Variants in RYR2 observed in about 807,000 individuals in gnomAD.
The protein encoded by RYR2 is ryanodine receptor 2.
A neutral mutation model predicts 601.1 loss-of-function variants in RYR2; 227 were observed. The ratio of observed to expected loss-of-function variants is 0.38; its 90% CI spans 0.34 to 0.42. The LOEUF (loss-of-function observed/expected upper bound fraction) is 0.42. Among genes scored for constraint, RYR2 ranks in the 10% least tolerant of loss-of-function variants. RYR2 has a pLI of 1.00. For missense variants in RYR2, 4,646 were observed against 6,156.5 expected (o/e 0.75, Z 8.21); for synonymous variants, 2,223 against 2,175.1 (o/e 1.02, Z -0.61).
At chr1:237,549,131 A>G (rs1019790423) in intron 26 of RYR2, among the ~76,000 whole-genome samples, 2 of 152,246 alleles carry the variant, frequency 1.3e-5, no homozygotes, top group Non-Finnish European at 2.9e-5. Context: ...ACAGCCTCGC[A>G]TCAGTTCAGG....
intron 5 of RYR2, among the ~76,000 whole-genome samples, chr1:237,365,672 G>C (rs149977841): frequency 1.3e-5 from 2 of 152,118 alleles, no homozygotes; most frequent in African/African-American, 4.8e-5. Flanking sequence ...TATGATTTGG[G>C]GTTTGAGAAA....
chr1:237,541,433 CTT>C (rs1183819635), intron 25 of RYR2, among the ~76,000 whole-genome samples: 2 of 152,218 alleles, frequency 1.3e-5, no homozygotes, highest in Non-Finnish European at 2.9e-5. Context: ...CCCTCAACGT[CTT>C]TAAAATTGTG....
intron 8 of RYR2, among the ~76,000 whole-genome samples, chr1:237,378,207 C>T (rs1701189241): frequency 6.6e-6 from 1 of 152,066 alleles, no homozygotes; most frequent in Non-Finnish European, 1.5e-5. Flanking sequence ...AAGACTTGAC[C>T]CCCATTATTT....
At chr1:237,825,791 A>C (rs1663021939) in intron 101 of RYR2, among the ~76,000 whole-genome samples, 1 of 152,248 alleles carries the variant, frequency 6.6e-6, no homozygotes, top group Non-Finnish European at 1.5e-5. Flanking sequence ...TAATATCCAG[A>C]ATCTACAAAG....
At chr1:237,738,481 C>G (rs1199114864) in intron 79 of RYR2, among the ~76,000 whole-genome samples, 2 of 152,118 alleles carry the variant, frequency 1.3e-5, no homozygotes, top group Non-Finnish European at 2.9e-5. Context: ...CATTCTAAAC[C>G]TTGTGCTCAA....
intron 76 of RYR2, among the ~76,000 whole-genome samples, chr1:237,729,778 C>T (rs573378217): frequency 4.9e-4 from 75 of 152,176 alleles, no homozygotes; most frequent in Non-Finnish European, 9.1e-4. Flanking sequence ...CACTTAATAC[C>T]TTTTGTTTTG....
At chr1:237,618,875 A>C (rs549829577) in intron 38 of RYR2, among the ~76,000 whole-genome samples, 15 of 152,180 alleles carry the variant, frequency 9.9e-5, no homozygotes, top group Non-Finnish European at 1.8e-4. Flanking sequence ...GAGAAGTAGC[A>C]AGACACTCTT....
intron 1 of RYR2, among the ~76,000 whole-genome samples, chr1:237,211,391 CATG>C (rs1380743852): frequency 9.9e-5 from 15 of 152,166 alleles, no homozygotes; most frequent in African/African-American, 3.4e-4. Flanking sequence ...TCTTTGTTAG[CATG>C]ATAATTTTGC....
chr1:237,388,062 C>T, intron 9 of RYR2, 25 bp from the exon 10 acceptor site: 4 of 1,601,702 alleles, frequency 2.5e-6, no homozygotes, highest in Middle Eastern at 1.7e-4. Context: ...ACAGTCCAGA[C>T]CTGAATGATT....
At chr1:237,456,821 A>G (rs1200465903) in intron 16 of RYR2, 86 bp downstream of exon 16, 1 of 1,412,628 alleles carries the variant, frequency 7.1e-7, no homozygotes, top group Non-Finnish European at 9.5e-7. Context: ...TCATGCCTGT[A>G]ATTCCAGCAA....
chr1:237,534,785 T>C (rs1473441331), intron 25 of RYR2, among the ~76,000 whole-genome samples: 1 of 152,048 alleles, frequency 6.6e-6, no homozygotes, highest in Non-Finnish European at 1.5e-5. Context: ...AAATGGATGA[T>C]TCAAAACCAG....
chr1:237,411,520 A>C (rs1704449098), intron 10 of RYR2, among the ~76,000 whole-genome samples: 1 of 152,142 alleles, frequency 6.6e-6, no homozygotes, highest in Non-Finnish European at 1.5e-5. Context: ...CCTATATGGA[A>C]GGATTGAATA....
At chr1:237,192,200 T>C (rs1165168757) in intron 1 of RYR2, among the ~76,000 whole-genome samples, 3 of 152,026 alleles carry the variant, frequency 2.0e-5, no homozygotes, top group Non-Finnish European at 2.9e-5. Flanking sequence ...CATTTTCTTA[T>C]TTTTTCAAAA....
intron 19 of RYR2, among the ~76,000 whole-genome samples, chr1:237,495,566 A>G (rs2150441826): frequency 6.6e-6 from 1 of 152,324 alleles, no homozygotes; most frequent in East Asian, 1.9e-4. Context: ...TTCTTTATAT[A>G]ACAGACCTGC....
intron 1 of RYR2, among the ~76,000 whole-genome samples, chr1:237,261,950 TTGCTAGAA>T (rs1688569875): frequency 1.3e-5 from 2 of 152,200 alleles, no homozygotes; most frequent in Admixed American, 6.5e-5. Flanking sequence ...TCCTCTTCTC[TTGCTAGAA>T]TGCAAGCCTA....
chr1:237,709,173 C>A, intron 69 of RYR2, 75 bp downstream of exon 69: 1 of 1,302,596 alleles, frequency 7.7e-7, no homozygotes, highest in Admixed American at 2.4e-5. Flanking sequence ...CTTGTTCAAT[C>A]GCTTCATTCA....
chr1:237,627,967 T>A lies in RYR2; in HGVS notation c.6327T>A (p.Asn2109Lys). The A allele has an allele frequency of 6.2e-7, 1 of 1,613,868 alleles. No homozygotes were observed. The highest frequency in any genetic ancestry group is 8.5e-7 in the Non-Finnish European group (1 of 1,179,870). Residue 2109 changes from asparagine (N) to lysine (K), a missense_variant, in exon 41 of 105, where the codon AAT becomes AAA. Physicochemically the swap from Asn to Lys is moderately conservative, Grantham distance 94. Transcript: ENST00000366574. Reference sequence around the variant, plus strand: ...CCCTGCCAAAGACCTACACGATAAATGGTGTGTCCGTGGAGGACACCATCA... The same window carrying A: ...CCCTGCCAAAGACCTACACGATAAAAGGTGTGTCCGTGGAGGACACCATCA... ...VRALPKTYTI[N>K]GVSVEDTINL...
intron 3 of RYR2, among the ~76,000 whole-genome samples, chr1:237,337,657 G>A (rs1181224540): frequency 1.3e-5 from 2 of 152,084 alleles, no homozygotes; most frequent in African/African-American, 2.4e-5. Flanking sequence ...CATGCAAGAA[G>A]CACTATGAGT....
chr1:237,571,250 T>C (rs1281272848), intron 29 of RYR2, among the ~76,000 whole-genome samples: 2 of 152,092 alleles, frequency 1.3e-5, no homozygotes, highest in East Asian at 3.9e-4. Context: ...TATATTTGCA[T>C]ATATATAGTC....
Sources: gnomAD v4.1 joint callset for allele counts (sites outside exome capture counted in the v4.1 genomes callset) on GRCh38, gnomAD v4.1.1 for gene constraint, MANE v1.5 for transcripts, NCBI Gene and HGNC (gene_info 2026-07-23, HGNC 2026-07-21) for gene names.